SMYD3: variants seen among roughly 807,000 people sequenced by gnomAD.
SMYD3 encodes histone-lysine N-methyltransferase SMYD3.
In SMYD3, 36 loss-of-function variants were observed where a neutral mutation model predicts 57.7. That is an observed-to-expected ratio of 0.62 (90% confidence interval 0.48 to 0.82). SMYD3 has a LOEUF of 0.82. Among genes scored for constraint, SMYD3 ranks in the 40% least tolerant of loss-of-function variants. SMYD3 has a pLI of 0.00. For synonymous variants in SMYD3, 211 were observed against 195.0 expected, an observed-to-expected ratio of 1.08 and a Z score of -0.68; for missense variants, 515 against 538.8, an observed-to-expected ratio of 0.96 and a Z score of 0.44.
At chr1:246,161,351 A>G (rs1463408147) in intron 5 of SMYD3, among the ~76,000 whole-genome samples, 1 of 152,152 alleles carries the variant, frequency 6.6e-6, no homozygotes, top group Non-Finnish European at 1.5e-5. Context: ...CTAAGCTGTT[A>G]GATTGTTTCC....
intron 5 of SMYD3, among the ~76,000 whole-genome samples, chr1:246,296,400 G>GC (rs1409253125): frequency 6.6e-6 from 1 of 152,110 alleles, no homozygotes; most frequent in East Asian, 1.9e-4. Context: ...AATAAAAACT[G>GC]CAACTCCTTT....
intron 2 of SMYD3, 85 bp from the exon 3 acceptor site, chr1:246,335,559 C>A: frequency 1.9e-6 from 2 of 1,050,842 alleles, no homozygotes; most frequent in Admixed American, 2.0e-5. Context: ...GAGTCATAAA[C>A]ATTAAATTTT....
chr1:246,479,433 A>C (rs2068073973), intron 1 of SMYD3, among the ~76,000 whole-genome samples: 1 of 151,754 alleles, frequency 6.6e-6, no homozygotes, highest in Non-Finnish European at 1.5e-5. Flanking sequence ...TGCCACTGGC[A>C]TCCTGCTAGG....
intron 5 of SMYD3, chr1:246,322,378 A>G (rs1323530828): frequency 6.6e-6 from 1 of 152,070 alleles, no homozygotes; most frequent in Non-Finnish European, 1.5e-5. Flanking sequence ...AAAGAGGGGG[A>G]AAAAAATCTC....
intron 3 of SMYD3, among the ~76,000 whole-genome samples, chr1:246,334,557 G>C (rs560729355): frequency 6.6e-6 from 1 of 152,102 alleles, no homozygotes; most frequent in Non-Finnish European, 1.5e-5. Context: ...TGGGGAATAC[G>C]AGGGGGAGGT....
chr1:245,853,227 C>G (rs974729310), intron 10 of SMYD3, among the ~76,000 whole-genome samples: 1 of 152,182 alleles, frequency 6.6e-6, no homozygotes, highest in African/African-American at 2.4e-5. Context: ...CTAGGTCCTA[C>G]TCCATGAGCA....
At chr1:246,431,621 T>G (rs2067297548) in intron 1 of SMYD3, among the ~76,000 whole-genome samples, 1 of 152,066 alleles carries the variant, frequency 6.6e-6, no homozygotes, top group African/African-American at 2.4e-5. Context: ...TCCCAGCTAC[T>G]CGGGGGAGGC....
At chr1:246,378,732 T>TAATTATATATAATATAATATAA (rs1553339993) in intron 1 of SMYD3, among the ~76,000 whole-genome samples, 1 of 103,320 alleles carries the variant, frequency 9.7e-6, no homozygotes, top group South Asian at 2.7e-4. Flanking sequence ...ATATTATATA[T>TAATTATATATAATATAATATAA]TATATATAAT....
intron 1 of SMYD3, among the ~76,000 whole-genome samples, chr1:246,452,414 A>T (rs2067645644): frequency 6.6e-6 from 1 of 152,148 alleles, no homozygotes; most frequent in Non-Finnish European, 1.5e-5. Flanking sequence ...AGGCACGAGA[A>T]TCGTTTGAAC....
intron 5 of SMYD3, among the ~76,000 whole-genome samples, chr1:246,221,885 C>G (rs898353736): frequency 6.6e-6 from 1 of 152,168 alleles, no homozygotes; most frequent in Non-Finnish European, 1.5e-5. Flanking sequence ...CAGGCAAGGG[C>G]ACCACCAGTC....
Position 245,764,165 on chromosome 1 carries a change from C to T in SMYD3, c.1077-16G>A, listed in dbSNP as rs537264345. On this transcript the variant is annotated splice_polypyrimidine_tract_variant and intron_variant, in intron 10 of 11. Coordinates refer to ENST00000490107, the MANE Select transcript of SMYD3 (RefSeq NM_001167740.2). ...GAAAAAAATCCTGGAAGAAACCAAA[C>T]GGCAAACAGTGTCAGCAGCCCTCAC... The T allele has an allele frequency of 2.0e-5, 32 of 1,575,432 alleles. No individual in the cohort carries two copies. The highest frequency in any genetic ancestry group is 5.5e-5 in the South Asian group (5 of 90,240).
chr1:246,254,457 T>C (rs1310140418), intron 5 of SMYD3, among the ~76,000 whole-genome samples: 3 of 152,170 alleles, frequency 2.0e-5, no homozygotes, highest in African/African-American at 7.2e-5. Flanking sequence ...GGTGTATGGC[T>C]TTATTTTGGG....
chr1:246,356,572 T>C (rs950360246), intron 1 of SMYD3, among the ~76,000 whole-genome samples: 3 of 152,118 alleles, frequency 2.0e-5, no homozygotes, highest in Admixed American at 2.0e-4. Context: ...AGGAAAATTC[T>C]TCAGTGAAAT....
intron 5 of SMYD3, among the ~76,000 whole-genome samples, chr1:246,310,735 T>G (rs1148720): frequency 4.8e-5 from 7 of 146,240 alleles, no homozygotes; most frequent in Non-Finnish European, 9.0e-5. Context: ...AGTGGCGCGA[T>G]CTTGGCTCAC....
chr1:246,269,646 G>A (rs947112824), intron 5 of SMYD3, among the ~76,000 whole-genome samples: 2 of 149,576 alleles, frequency 1.3e-5, no homozygotes, highest in African/African-American at 4.9e-5. Flanking sequence ...ACAGCTCACC[G>A]CAACCTCAAC....
intron 10 of SMYD3, among the ~76,000 whole-genome samples, chr1:245,782,056 A>C (rs932666705): frequency 6.6e-6 from 1 of 152,138 alleles, no homozygotes; most frequent in Non-Finnish European, 1.5e-5. Flanking sequence ...TTGCTCAGGC[A>C]CCCTCTCCTC....
intron 5 of SMYD3, among the ~76,000 whole-genome samples, chr1:246,014,824 C>T (rs1255522685): frequency 6.6e-6 from 1 of 152,022 alleles, no homozygotes; most frequent in African/African-American, 2.4e-5. Flanking sequence ...TACCCACTGT[C>T]TCTCAATCTT....
Position 246,439,105 on chromosome 1 carries a change from C to CGG in SMYD3, c.164+67947_164+67948dup, listed in dbSNP as rs35839272. 9.2e-3 allele frequency among the ~76,000 whole-genome samples: 1,156 copies of CGG among 125,098 alleles called. 17 individuals are homozygous for CGG. The highest frequency in any genetic ancestry group is 0.071 in the East Asian group (259 of 3,642). The allele number at this position is 125,098 out of a possible 152,430, so 82.1% of individuals were successfully genotyped here. On this transcript the variant is annotated intron_variant, in intron 1 of 11. Coordinates refer to ENST00000490107, the MANE Select transcript of SMYD3 (RefSeq NM_001167740.2). The stretch of plus-strand genomic sequence containing the variant: ...ATTTTTATTGCCACATTGTTATTTT[C>CGG]GGGGGGGGGGGTTCCCAATTTTTTA...
chr1:246,064,569 G>A (rs916392929), intron 5 of SMYD3, among the ~76,000 whole-genome samples: 2 of 152,036 alleles, frequency 1.3e-5, no homozygotes, highest in African/African-American at 2.4e-5. Flanking sequence ...TCCCCTCCAC[G>A]GCATTTATCC....
Sources: allele counts gnomAD v4.1 joint callset (sites outside exome capture counted in the v4.1 genomes callset), GRCh38; gene constraint gnomAD v4.1.1; transcripts MANE v1.5; gene names NCBI Gene and HGNC (gene_info 2026-07-23, HGNC 2026-07-21).